Variants in SGIP1 observed in about 807,000 individuals in gnomAD.
SGIP1 encodes SH3-containing GRB2-like protein 3-interacting protein 1.
A neutral mutation model predicts 107.5 loss-of-function variants in SGIP1; 38 were observed. The ratio of observed to expected loss-of-function variants is 0.35; its 90% CI spans 0.27 to 0.46. The LOEUF is 0.46. Ranked by LOEUF, SGIP1 falls within the 20% of genes least tolerant of loss-of-function variation. The pLI is 1.00. For missense variants in SGIP1, 929 were observed against 1,019.5 expected (o/e 0.91, Z 1.21); for synonymous variants, 365 against 366.1 (o/e 1.00, Z 0.03).
At chr1:66,706,218 C>A (rs2092491289) in intron 18 of SGIP1, among the ~76,000 whole-genome samples, 2 of 150,028 alleles carry the variant, frequency 1.3e-5, no homozygotes, top group African/African-American at 4.9e-5. Context: ...GCTATCAAAC[C>A]ATTTATTTTA....
chr1:66,579,042 T>C (rs1260861165), intron 1 of SGIP1, among the ~76,000 whole-genome samples: 4 of 152,214 alleles, frequency 2.6e-5, no homozygotes, highest in Non-Finnish European at 5.9e-5. Flanking sequence ...GACACATCTC[T>C]AACCATGTGT....
At chr1:66,734,814 GA>G (rs144259086) in intron 21 of SGIP1, among the ~76,000 whole-genome samples, 2,531 of 152,020 alleles carry the variant, frequency 0.017, 77 homozygotes, top group African/African-American at 0.058. Flanking sequence ...TGACTCCCTA[GA>G]TTTTTTTAAA....
chr1:66,696,642 T>C (rs932364225), intron 18 of SGIP1, among the ~76,000 whole-genome samples: 3 of 152,200 alleles, frequency 2.0e-5, no homozygotes, highest in African/African-American at 7.2e-5. Context: ...TTGGGTAGTA[T>C]TAGGAAAGAT....
chr1:66,617,462 T>C (rs1351394764), intron 1 of SGIP1, among the ~76,000 whole-genome samples: 1 of 152,236 alleles, frequency 6.6e-6, no homozygotes, highest in East Asian at 1.9e-4. Flanking sequence ...AGCACCTTAA[T>C]CTTTTCTGAC....
chr1:66,549,895 A>G (rs570891979), intron 1 of SGIP1, among the ~76,000 whole-genome samples: 3 of 152,244 alleles, frequency 2.0e-5, no homozygotes, highest in Non-Finnish European at 2.9e-5. Context: ...TTATTGCTCC[A>G]TCTCCTAAAT....
chr1:66,543,281 C>CT (rs796656657), intron 1 of SGIP1, among the ~76,000 whole-genome samples: 8 of 151,890 alleles, frequency 5.3e-5, no homozygotes, highest in Non-Finnish European at 7.4e-5. Context: ...AACAAAAGCC[C>CT]TTTTTTTTCC....
chr1:66,611,070 G>T (rs2067905262), intron 1 of SGIP1, among the ~76,000 whole-genome samples: 1 of 151,932 alleles, frequency 6.6e-6, no homozygotes, highest in East Asian at 1.9e-4. Flanking sequence ...CAAAATCTAA[G>T]AAATCAACAC....
Position 66,536,215 on chromosome 1 carries a change from T to G in SGIP1, c.10+1847T>G, listed in dbSNP as rs188533434. On this transcript the variant is annotated intron_variant, in intron 1 of 24. Coordinates refer to ENST00000371037, the MANE Select transcript of SGIP1 (RefSeq NM_032291.4). Reference sequence around the variant, plus strand: ...CTCTGGGTTTGCCAAATTTATCTAATGAACAATGTTATCTTAGCACTGGTA... The same window carrying G: ...CTCTGGGTTTGCCAAATTTATCTAAGGAACAATGTTATCTTAGCACTGGTA... Among the ~76,000 whole-genome samples the G allele has an allele frequency of 3.7e-3, 549 of 147,618 alleles. 1 individual carries two copies. Among genetic ancestry groups the G allele is most frequent in the Admixed American group, 7.4e-3 (108 of 14,628 alleles).
chr1:66,734,645 C>T (rs1030506696), intron 21 of SGIP1, among the ~76,000 whole-genome samples: 1 of 151,804 alleles, frequency 6.6e-6, no homozygotes, highest in Non-Finnish European at 1.5e-5. Context: ...GCTAGGAATA[C>T]AGGCATGCAC....
intron 21 of SGIP1, among the ~76,000 whole-genome samples, chr1:66,734,548 A>G (rs1404985058): frequency 7.0e-6 from 1 of 141,940 alleles, no homozygotes; most frequent in Non-Finnish European, 1.5e-5. Context: ...CCTATCACCC[A>G]GGCTGGAGTG....
At chr1:66,631,993 G>C (rs998472196) in intron 2 of SGIP1, among the ~76,000 whole-genome samples, 1 of 152,098 alleles carries the variant, frequency 6.6e-6, no homozygotes, top group African/African-American at 2.4e-5. Context: ...TTGTAATCCA[G>C]TTTTCCAAAA....
rs2094244565 is a variant in SGIP1 at position 66,736,382 on chromosome 1, TATATA to T, written c.2031+2508_2031+2512del. Among the ~76,000 whole-genome samples, 3 of 89,826 alleles carry T rather than the reference TATATA, an allele frequency of 3.3e-5. No individual in the cohort carries two copies. The South Asian group carries it at 1.2e-3, about 37-fold the overall frequency. The allele number at this position is 89,826 out of a possible 152,430, so 58.9% of individuals were successfully genotyped here. ...TATAATATGATATATGTGAATATAA[TATATA>T]ATATATGTGAATATATTATATGTGA... is the stretch of plus-strand genomic sequence containing the variant. On this transcript the variant is annotated intron_variant, in intron 21 of 24. Coordinates refer to ENST00000371037, the MANE Select transcript of SGIP1 (RefSeq NM_032291.4).
Position 66,558,049 on chromosome 1 carries a change from G to A in SGIP1, c.10+23681G>A, listed in dbSNP as rs537053028. Among the ~76,000 whole-genome samples the A allele has an allele frequency of 7.9e-5, 12 of 152,184 alleles. No homozygotes were observed. In the East Asian group the frequency reaches 2.1e-3, roughly 27 times the overall value. On this transcript the variant is annotated intron_variant, in intron 1 of 24. Coordinates refer to ENST00000371037, the MANE Select transcript of SGIP1 (RefSeq NM_032291.4). ...TCCAGGAAACTATCAGTATGCCTTC[G>A]ATGTGGTAAGCGTGAATGAATAACT...
intron 18 of SGIP1, among the ~76,000 whole-genome samples, chr1:66,699,525 A>G (rs2150203366): frequency 6.6e-6 from 1 of 151,816 alleles, no homozygotes. Context: ...CTTTCTCTCC[A>G]CTTTACTCGG....
intron 14 of SGIP1, among the ~76,000 whole-genome samples, chr1:66,680,556 A>T (rs1416750922): frequency 6.6e-6 from 1 of 152,218 alleles, no homozygotes; most frequent in Admixed American, 6.5e-5. Flanking sequence ...CAAAAGCACG[A>T]TGTAGTTATT....
In SGIP1 at chr1:66,603,546, T is replaced by C. The variant is rs886486328; in HGVS notation, c.11-22301T>C. 1.1e-4 allele frequency among the ~76,000 whole-genome samples: 16 copies of C among 152,246 alleles called. No individual in the cohort carries two copies. The South Asian group carries it at 3.1e-3, about 30-fold the overall frequency. On this transcript the variant is annotated intron_variant, in intron 1 of 24. Transcript: ENST00000371037. ...TGCTTCTGATACAGCATCAGAAATATAAATCTAGAACCGATCACACAGACC... is the reference window on the plus strand; with the variant it reads ...TGCTTCTGATACAGCATCAGAAATACAAATCTAGAACCGATCACACAGACC...
chr1:66,630,849 A>AGAGAGAGAGAG, intron 2 of SGIP1, among the ~76,000 whole-genome samples: 1 of 29,314 alleles, frequency 3.4e-5, no homozygotes, highest in African/African-American at 1.8e-4. Flanking sequence ...GAAAGAAAGA[A>AGAGAGAGAGAG]AGAAAGAAAG....
At chr1:66,660,177 AAG>A (rs1553132549) in intron 7 of SGIP1, 3 of 163,218 alleles carry the variant, frequency 1.8e-5, no homozygotes, top group South Asian at 2.7e-4. Flanking sequence ...GAAAGAAAGA[AAG>A]AAAGAAAGAA....
chr1:66,569,396 G>T (rs1159860867), intron 1 of SGIP1, among the ~76,000 whole-genome samples: 4 of 151,546 alleles, frequency 2.6e-5, no homozygotes, highest in Non-Finnish European at 5.9e-5. Flanking sequence ...AAATTGAGGT[G>T]GTTCTCCTCT....
Sources: gnomAD v4.1 joint callset for allele counts (sites outside exome capture counted in the v4.1 genomes callset) on GRCh38, gnomAD v4.1.1 for gene constraint, MANE v1.5 for transcripts, NCBI Gene and HGNC (gene_info 2026-07-23, HGNC 2026-07-21) for gene names.